HDHD5: variants seen among roughly 807,000 people sequenced by gnomAD.
The protein encoded by HDHD5 is haloacid dehalogenase like hydrolase domain containing 5.
HDHD5 carries 34 observed loss-of-function variants against 35.5 expected under a neutral mutation model. The ratio of observed to expected loss-of-function variants is 0.96; its 90% CI spans 0.73 to 1.28. The LOEUF is 1.28. HDHD5 is among the 50% of genes most tolerant of loss of function. The pLI is 0.00. For missense variants in HDHD5, 589 were observed against 560.2 expected (o/e 1.05, Z -0.52); for synonymous variants, 248 against 240.6 (o/e 1.03, Z -0.29).
rs1194197502 is a variant in HDHD5, at chr22:17,148,707, C to A, written c.331-147G>T. The A allele has an allele frequency of 9.4e-6, 6 of 641,388 alleles. No individual in the cohort carries two copies. In the Admixed American group the frequency reaches 1.1e-4, roughly 11 times the overall value. 39.7% of individuals were successfully genotyped at this position (641,388 alleles called of 1,614,324 possible). On this transcript the variant is annotated intron_variant, in intron 2 of 7. Coordinates refer to ENST00000336737, the MANE Select transcript of HDHD5 (RefSeq NM_033070.3). ...GAGGAAAGCCCTTTCTAGCACCCAG[C>A]AGCACTTCTGAAAGGCACCCAAACA... is the stretch of plus-strand genomic sequence containing the variant.
chr22:17,146,348 C>T (rs1460967402), intron 3 of HDHD5, among the ~76,000 whole-genome samples: 2 of 151,510 alleles, frequency 1.3e-5, no homozygotes, highest in African/African-American at 2.4e-5. Context: ...CCATCGCACA[C>T]GCTCCACACC....
chr22:17,164,992 G>A (rs2123889131), intron 1 of HDHD5, among the ~76,000 whole-genome samples: 1 of 152,240 alleles, frequency 6.6e-6, no homozygotes, highest in East Asian at 1.9e-4. Flanking sequence ...TTGCAGGAGG[G>A]TTTACTGCTC....
chr22:17,150,426 T>C lies in HDHD5; in HGVS notation c.127-681A>G, dbSNP rs187145611. ...ATAATTTCCAGAAGGCTTTTATAAA[T>C]CTATAGTATACACACCTTTCTAATG... On this transcript the variant is annotated intron_variant, in intron 1 of 7. Transcript: ENST00000336737. 1.2e-4 allele frequency among the ~76,000 whole-genome samples: 19 copies of C among 152,294 alleles called. No homozygotes were observed. In the East Asian group the frequency reaches 3.1e-3, roughly 25 times the overall value.
chr22:17,149,510 T>C (rs2061701914), intron 2 of HDHD5, 32 bp downstream of exon 2: 1 of 1,604,764 alleles, frequency 6.2e-7, no homozygotes, highest in Non-Finnish European at 8.5e-7. Flanking sequence ...AACCAGGTCC[T>C]TGGGCTTCCA....
intron 1 of HDHD5, 144 bp downstream of exon 1, chr22:17,158,982 G>T: frequency 1.4e-6 from 1 of 724,884 alleles, no homozygotes; most frequent in Non-Finnish European, 1.8e-6. Flanking sequence ...CAGCAAGAAC[G>T]CGATGCACTC....
In HDHD5 at chr22:17,148,301, G is replaced by A. The variant is rs78622707; in HGVS notation, c.443+147C>T. On this transcript the variant is annotated intron_variant, in intron 3 of 7. Coordinates refer to ENST00000336737, the MANE Select transcript of HDHD5 (RefSeq NM_033070.3). The stretch of plus-strand genomic sequence containing the variant: ...CCAGACATGAGGACTGACCACAGTC[G>A]GGAGCTGTCCTCCCTCCCCTGAGCC... 2.7e-3 allele frequency: 1,885 copies of A among 694,596 alleles called. 20 individuals carry two copies. In the African/African-American group the frequency reaches 0.028, roughly 10 times the overall value. The allele number at this position is 694,596 out of a possible 1,614,324, so 43.0% of individuals were successfully genotyped here.
chr22:17,157,107 CACACACAA>C (rs1226722467), intron 1 of HDHD5, among the ~76,000 whole-genome samples: 3 of 134,334 alleles, frequency 2.2e-5, no homozygotes, highest in South Asian at 2.3e-4. Flanking sequence ...CACACACACA[CACACACAA>C]AAGAAAAAAG....
rs1193305415 is a variant in HDHD5, at chr22:17,149,761, G to A, written c.127-16C>T. 3.1e-6 allele frequency: 5 copies of A among 1,605,482 alleles called. No individual in the cohort carries two copies. The Admixed American group carries it at 6.7e-5, about 21-fold the overall frequency. On this transcript the variant is annotated splice_polypyrimidine_tract_variant and intron_variant, in intron 1 of 7. Coordinates refer to ENST00000336737, the MANE Select transcript of HDHD5 (RefSeq NM_033070.3). ...TGGGTGGGCTCTGCAGAGATGGTAA[G>A]ATAATTACCAGTACGTGAGTAACAA...
chr22:17,157,751 T>C (rs1249163358), intron 1 of HDHD5, among the ~76,000 whole-genome samples: 10 of 152,180 alleles, frequency 6.6e-5, no homozygotes, highest in Admixed American at 5.2e-4. Flanking sequence ...CTCAGCTGCT[T>C]TGAACCTTAG....
At chr22:17,143,258 A>G (rs765576371) in intron 4 of HDHD5, 127 bp from the exon 5 acceptor site, 31 of 979,534 alleles carry the variant, frequency 3.2e-5, no homozygotes, top group Non-Finnish European at 4.4e-5. Context: ...CCCGTGGTCA[A>G]GCCCAAGCCA....
In HDHD5 at chr22:17,145,123, G is replaced by A; in HGVS notation, c.444-6C>T. On this transcript the variant is annotated splice_polypyrimidine_tract_variant and splice_region_variant and intron_variant, in intron 3 of 7. Transcript: ENST00000336737. ...CGACATTTCGGAAGCCCAGTCTGGA[G>A]CAAGCTCAGGAAGTAATGCTGGACA... 6.2e-7 allele frequency: 1 copy of A among 1,614,054 alleles called. No homozygotes were observed. The highest frequency in any genetic ancestry group is 8.5e-7 in the Non-Finnish European group (1 of 1,180,006).
chr22:17,144,514 A>G (rs2061636432), intron 4 of HDHD5, among the ~76,000 whole-genome samples: 1 of 151,366 alleles, frequency 6.6e-6, no homozygotes, highest in South Asian at 2.1e-4. Context: ...CCCAGGTTCA[A>G]GTTATTCTCC....
chr22:17,139,969 C>T (rs1375007188), intron 6 of HDHD5, among the ~76,000 whole-genome samples: 1 of 152,094 alleles, frequency 6.6e-6, no homozygotes, highest in East Asian at 1.9e-4. Context: ...TTCACAGAGA[C>T]ATAACCAACC....
intron 1 of HDHD5, among the ~76,000 whole-genome samples, chr22:17,152,099 C>T (rs2061733274): frequency 6.6e-6 from 1 of 152,152 alleles, no homozygotes; most frequent in South Asian, 2.1e-4. Context: ...CTACAGGGAG[C>T]CTTGCACTAA....
Position 17,138,750 on chromosome 22 carries a change from G to C in HDHD5, c.747-12C>G, listed in dbSNP as rs373425761. ...TGCCATGTCCAAACCTGCCAGAAAC[G>C]AGCACGCAGCAGTTCAGTCTTCCTG... On this transcript the variant is annotated splice_polypyrimidine_tract_variant and intron_variant, in intron 6 of 7. Transcript: ENST00000336737. 2 of 1,614,036 alleles carry C rather than the reference G, an allele frequency of 1.2e-6. No individual in the cohort carries two copies. The highest frequency in any genetic ancestry group is 8.5e-7 in the Non-Finnish European group (1 of 1,179,958).
Position 17,137,794 on chromosome 22 carries a change from G to T in HDHD5, c.*227C>A, listed in dbSNP as rs1007152779. 48 of 537,626 alleles carry T rather than the reference G, an allele frequency of 8.9e-5. No individual in the cohort carries two copies. The highest frequency in any genetic ancestry group is 2.3e-4 in the Admixed American group (7 of 30,012). The allele number at this position is 537,626 out of a possible 1,614,324, so 33.3% of individuals were successfully genotyped here. ...GGTTAGACTGCCACGAAAGGCACGT[G>T]GGAACTGGGCCCAGAAAATTCCAAC... On this transcript the variant is annotated 3_prime_UTR_variant, in exon 8 of 8. Coordinates refer to ENST00000336737, the MANE Select transcript of HDHD5 (RefSeq NM_033070.3).
rs377702374 is a variant in HDHD5, at chr22:17,137,977, G to A, written c.*44C>T. ...GGCCAGAGCCCAGCCAATGGGACTC[G>A]CCCACAGGTCCAGGCTCACCCCCTC... On this transcript the variant is annotated 3_prime_UTR_variant, in exon 8 of 8. Transcript: ENST00000336737. The A allele has an allele frequency of 1.9e-5, 29 of 1,523,470 alleles. No individual in the cohort carries two copies. The highest frequency in any genetic ancestry group is 1.1e-4 in the Admixed American group (6 of 55,124). 94.4% of individuals were successfully genotyped at this position (1,523,470 alleles called of 1,614,324 possible). A position where few individuals can be genotyped will look rare whatever the true frequency, so the allele number is the denominator to read the frequency against.
In HDHD5 at chr22:17,138,325, T is replaced by A. The variant is rs1357078784; in HGVS notation, c.968A>T (p.Asn323Ile). 1 of 1,613,946 alleles carries A rather than the reference T, an allele frequency of 6.2e-7. No individual in the cohort carries two copies. Among genetic ancestry groups the A allele is most frequent in the East Asian group, 2.2e-5 (1 of 44,872 alleles). The change falls in exon 8 of 8, where the codon AAC becomes ATC. Residue 323 changes from asparagine (N) to isoleucine (I), a missense_variant. Coordinates refer to ENST00000336737, the MANE Select transcript of HDHD5 (RefSeq NM_033070.3). ...DNPMSDVYGA[N>I]LFHQYLQKAT... ...CTTCTGCAGGTACTGGTGGAACAGGTTGGCGCCGTATACGTCAGACATAGG... is the reference window on the plus strand; with the variant it reads ...CTTCTGCAGGTACTGGTGGAACAGGATGGCGCCGTATACGTCAGACATAGG...
chr22:17,138,583 C>G lies in HDHD5; in HGVS notation c.902G>C (p.Trp301Ser), dbSNP rs749483961. 3 of 1,614,148 alleles carry G rather than the reference C, an allele frequency of 1.9e-6. No individual in the cohort carries two copies. The highest frequency in any genetic ancestry group is 2.5e-6 in the Non-Finnish European group (3 of 1,180,014). Residue 301 changes from tryptophan (W) to serine (S), a missense_variant, in exon 7 of 8, where the codon TGG (tryptophan) becomes TCG (serine). By Grantham distance (177) the Trp-to-Ser change is radical. Transcript: ENST00000336737. ...LIRRQAERRG[W>S]AAPIRKLYAV... ...ATAGAGCTTCCGGATGGGGGCGGCC[C>G]AGCCCCGCCTCTCCGCCTGTCGCCT...
Sources: gnomAD v4.1 joint callset for allele counts (sites outside exome capture counted in the v4.1 genomes callset) on GRCh38, gnomAD v4.1.1 for gene constraint, MANE v1.5 for transcripts, NCBI Gene and HGNC (gene_info 2026-07-23, HGNC 2026-07-21) for gene names.